The following DPYSL2 variants were observed in gnomAD, a reference collection of about 807,000 sequenced individuals.
DPYSL2 encodes the protein dihydropyrimidinase-related protein 2.
A neutral mutation model predicts 69.9 loss-of-function variants in DPYSL2; 13 were observed. That is an observed-to-expected ratio of 0.19 (90% CI 0.12 to 0.30). The LOEUF (loss-of-function observed/expected upper bound fraction) is 0.30, where lower values mean the gene tolerates loss of function less well. Ranked by LOEUF, DPYSL2 falls within the 10% of genes least tolerant of loss-of-function variation. The pLI, the probability that DPYSL2 is intolerant of heterozygous loss-of-function variation, is 1.00. For synonymous variants in DPYSL2, 326 were observed against 359.1 expected, an observed-to-expected ratio of 0.91 and a Z score of 1.04; for missense variants, 587 against 918.9, an observed-to-expected ratio of 0.64 and a Z score of 4.67.
intron 1 of DPYSL2, among the ~76,000 whole-genome samples, chr8:26,539,043 C>T (rs1801226381): frequency 6.6e-6 from 1 of 152,158 alleles, no homozygotes; most frequent in African/African-American, 2.4e-5. Flanking sequence ...TCTTTATGTC[C>T]ACTTGTACTC....
chr8:26,578,656 C>G, intron 1 of DPYSL2: 1 of 1,062,874 alleles, frequency 9.4e-7, no homozygotes. Context: ...ATATTGTTCT[C>G]TGGGCTGCGT....
chr8:26,623,983 A>G (rs1472590688), intron 3 of DPYSL2, 160 bp from the exon 4 acceptor site: 7 of 721,028 alleles, frequency 9.7e-6, no homozygotes, highest in Non-Finnish European at 1.6e-5. Flanking sequence ...CCTCTTGGAT[A>G]ATCAGCTGGG....
chr8:26,602,743 C>T (rs1212680024), intron 3 of DPYSL2, among the ~76,000 whole-genome samples: 1 of 152,200 alleles, frequency 6.6e-6, no homozygotes, highest in Non-Finnish European at 1.5e-5. Context: ...ATTAGAAGTA[C>T]AGATAAGGTC....
In DPYSL2 at chr8:26,580,601, T is replaced by C. The variant is rs1801470222; in HGVS notation, c.355-1368T>C. On this transcript the variant is annotated intron_variant, in intron 1 of 13. Transcript: ENST00000521913. The surrounding 1 kb of genome is among the most constrained non-coding windows in gnomAD (Gnocchi z 4.1). ...TTCTGAACCAAGGTGTGTGTATTTA[T>C]GTGTAAAATTATCTTTTTTCCTTGC... is the stretch of plus-strand genomic sequence containing the variant. Among the ~76,000 whole-genome samples, 1 of 152,274 alleles carries C rather than the reference T, an allele frequency of 6.6e-6. No individual in the cohort carries two copies. Among genetic ancestry groups the C allele is most frequent in the South Asian group, 2.1e-4 (1 of 4,838 alleles).
At chr8:26,577,754 C>T in intron 1 of DPYSL2, 3 of 962,416 alleles carry the variant, frequency 3.1e-6, no homozygotes, top group Non-Finnish European at 3.7e-6. Context: ...GCGCCGCCTG[C>T]CGCCCCCGGC....
chr8:26,645,055 A>G (rs1335340046), intron 10 of DPYSL2, among the ~76,000 whole-genome samples: 1 of 152,108 alleles, frequency 6.6e-6, no homozygotes, highest in Admixed American at 6.5e-5. Context: ...TTGCTACTAC[A>G]CAGGCACACA....
Position 26,652,912 on chromosome 8 carries a change from T to A in DPYSL2, c.1777-320T>A, listed in dbSNP as rs967436243. On this transcript the variant is annotated intron_variant, in intron 12 of 13. Coordinates refer to ENST00000521913, the MANE Select transcript of DPYSL2 (RefSeq NM_001197293.3). The surrounding 1 kb of genome is among the most constrained non-coding windows in gnomAD (Gnocchi z 6.3). ...GGAGAGAATGCAATTGGAAAGAAAG[T>A]TTGGGGCCAGATCTTGAACATGATA... 6.6e-5 allele frequency among the ~76,000 whole-genome samples: 10 copies of A among 152,128 alleles called. No homozygotes were observed. The highest frequency in any genetic ancestry group is 2.0e-4 in the Admixed American group (3 of 15,274).
At position 26,644,937 on chromosome 8, in the gene DPYSL2, T is replaced by C. The variant is rs1803128973; in HGVS notation, c.1425+846T>C. The stretch of plus-strand genomic sequence containing the variant: ...TCTGTTTTTTAGTGAATTGTTTAGA[T>C]TATATGAAGAATATATCCTTATTTC... On this transcript the variant is annotated intron_variant, in intron 10 of 13. Coordinates refer to ENST00000521913, the MANE Select transcript of DPYSL2 (RefSeq NM_001197293.3). This position sits in a 1 kb window ranked among gnomAD's most constrained non-coding sequence, Gnocchi z 4.5. Among the ~76,000 whole-genome samples the C allele has an allele frequency of 6.6e-6, 1 of 152,184 alleles. No homozygotes were observed. The highest frequency in any genetic ancestry group is 2.1e-4 in the South Asian group (1 of 4,828).
chr8:26,643,286 C>G lies in DPYSL2; in HGVS notation c.1127-153C>G. ...GCAGAGGTACTGAATTTCTCCAAGT[C>G]TCAGTTTCCTCATCTGCGAGATGAG... On this transcript the variant is annotated intron_variant, in intron 8 of 13. Coordinates refer to ENST00000521913, the MANE Select transcript of DPYSL2 (RefSeq NM_001197293.3). The surrounding 1 kb of genome is among the most constrained non-coding windows in gnomAD (Gnocchi z 6.5). 1.3e-6 allele frequency: 1 copy of G among 766,946 alleles called. No individual in the cohort carries two copies. Among genetic ancestry groups the G allele is most frequent in the Non-Finnish European group, 2.0e-6 (1 of 507,310 alleles). The allele number at this position is 766,946 out of a possible 1,614,324, so 47.5% of individuals were successfully genotyped here.
At chr8:26,622,158 C>CCTCT (rs1554544256) in intron 3 of DPYSL2, among the ~76,000 whole-genome samples, 85 of 36,360 alleles carry the variant, frequency 2.3e-3, no homozygotes, top group African/African-American at 7.3e-3. Context: ...TCCTTCCTTC[C>CCTCT]CTCTCTCTCT....
Position 26,610,669 on chromosome 8 carries a change from C to G in DPYSL2, c.629-13474C>G, listed in dbSNP as rs1454428323. 6.6e-6 allele frequency among the ~76,000 whole-genome samples: 1 copy of G among 152,158 alleles called. No homozygotes were observed. The highest frequency in any genetic ancestry group is 2.4e-5 in the African/African-American group (1 of 41,434). On this transcript the variant is annotated intron_variant, in intron 3 of 13. Transcript: ENST00000521913. The surrounding 1 kb of genome is among the most constrained non-coding windows in gnomAD (Gnocchi z 4.5). ...CCTAGCCTATCCCCCCTGCTCTCCC[C>G]TGGCATAGAAGGGTGCATCTCGTCT...
chr8:26,634,820 A>G lies in DPYSL2; in HGVS notation c.1046A>G (p.Asn349Ser), dbSNP rs373662465. Reference sequence around the variant, plus strand: ...GTGAATCGTGCCATCACCATCGCCAACCAGACCAACTGCCCGCTGTATATC... The same window carrying G: ...GTGAATCGTGCCATCACCATCGCCAGCCAGACCAACTGCCCGCTGTATATC... ...EAVNRAITIA[N>S]QTNCPLYITK... The change falls in exon 8 of 14, where the codon AAC (asparagine) becomes AGC (serine). Residue 349 changes from asparagine (N) to serine (S), a missense_variant. Asn to Ser is a conservative substitution (Grantham distance 46). This residue lies in a region of DPYSL2 where 452 missense variants were observed against 754.3 expected (regional missense o/e 0.60). Transcript: ENST00000521913. The G allele has an allele frequency of 1.9e-6, 3 of 1,614,216 alleles. No homozygotes were observed. Among genetic ancestry groups the G allele is most frequent in the African/African-American group, 1.3e-5 (1 of 75,056 alleles).
intron 3 of DPYSL2, among the ~76,000 whole-genome samples, chr8:26,604,754 G>A (rs945390849): frequency 6.6e-6 from 1 of 151,352 alleles, no homozygotes; most frequent in African/African-American, 2.4e-5. Context: ...CTCCTCCTCC[G>A]GGGTTCAAGT....
At chr8:26,557,919 C>G (rs533014521) in intron 1 of DPYSL2, among the ~76,000 whole-genome samples, 1 of 151,782 alleles carries the variant, frequency 6.6e-6, no homozygotes, top group Admixed American at 6.6e-5. Context: ...ATGGAGAGTT[C>G]CTGTCGCTCT....
chr8:26,527,489 A>C (rs1012274187), intron 1 of DPYSL2, among the ~76,000 whole-genome samples: 1 of 152,142 alleles, frequency 6.6e-6, no homozygotes, highest in African/African-American at 2.4e-5. Flanking sequence ...AAAAGTGTGT[A>C]AATTGTCTTT....
At position 26,641,392 on chromosome 8, in the gene DPYSL2, CCTGG is replaced by C. The variant is rs147486609; in HGVS notation, c.1127-2042_1127-2039del. 9.3e-3 allele frequency among the ~76,000 whole-genome samples: 1,420 copies of C among 152,310 alleles called. 19 individuals are homozygous for C. The highest frequency in any genetic ancestry group is 0.033 in the African/African-American group (1,363 of 41,562). ...GACTGTGGCCAGCGGGACCTCCAGG[CCTGG>C]CTGGGTCAGGAGAGTTTTGCTTAAC... On this transcript the variant is annotated intron_variant, in intron 8 of 13. Transcript: ENST00000521913. The surrounding 1 kb of genome is among the most constrained non-coding windows in gnomAD (Gnocchi z 4.1).
In DPYSL2 at chr8:26,530,036, C is replaced by T. The variant is rs1227075292; in HGVS notation, c.354+15357C>T. On this transcript the variant is annotated intron_variant, in intron 1 of 13. Transcript: ENST00000521913. Reference sequence around the variant, plus strand: ...CTGAGGCAGGAGAATTGCTTGAGCCCGGGAGGTGGAGGTTGCAGTGAGCCG... The same window carrying T: ...CTGAGGCAGGAGAATTGCTTGAGCCTGGGAGGTGGAGGTTGCAGTGAGCCG... 7.9e-5 allele frequency among the ~76,000 whole-genome samples: 11 copies of T among 139,364 alleles called. No individual in the cohort carries two copies. The Middle Eastern group carries it at 0.014, about 183-fold the overall frequency. The allele number at this position is 139,364 out of a possible 152,430, so 91.4% of individuals were successfully genotyped here.
Position 26,624,934 on chromosome 8 carries a change from C to T in DPYSL2, c.793+627C>T, listed in dbSNP as rs1443376587. Reference sequence around the variant, plus strand: ...ACCTCGGGGGTTTGCGGGGAAGAGCCAGGCCACATCATCTTCCTGGGTCTC... The same window carrying T: ...ACCTCGGGGGTTTGCGGGGAAGAGCTAGGCCACATCATCTTCCTGGGTCTC... On this transcript the variant is annotated intron_variant, in intron 4 of 13. Transcript: ENST00000521913. The surrounding 1 kb of genome is among the most constrained non-coding windows in gnomAD (Gnocchi z 4.7). Among the ~76,000 whole-genome samples, 2 of 152,080 alleles carry T rather than the reference C, an allele frequency of 1.3e-5. No homozygotes were observed. Among genetic ancestry groups the T allele is most frequent in the Non-Finnish European group, 2.9e-5 (2 of 68,028 alleles).
At chr8:26,525,911 A>AC (rs2117605318) in intron 1 of DPYSL2, among the ~76,000 whole-genome samples, 1 of 152,314 alleles carries the variant, frequency 6.6e-6, no homozygotes, top group East Asian at 1.9e-4. Context: ...ATTTTAAGAC[A>AC]CATGTATTTT....
Sources: gnomAD v4.1 joint callset for allele counts (sites outside exome capture counted in the v4.1 genomes callset) on GRCh38, gnomAD v4.1.1 for gene constraint, gnomAD v4.1.1 regional missense constraint, Gnocchi (gnomAD v3.1) non-coding constraint, MANE v1.5 for transcripts, NCBI Gene and HGNC (gene_info 2026-07-23, HGNC 2026-07-21) for gene names.